TENM2: variants seen among roughly 807,000 people sequenced by gnomAD.
TENM2 encodes teneurin-2.
A neutral mutation model predicts 245.2 loss-of-function variants in TENM2; 52 were observed. The observed-to-expected ratio is 0.21, with a 90% CI of 0.17 to 0.27. TENM2 has a LOEUF of 0.27. Ranked by LOEUF, TENM2 falls within the 10% of genes least tolerant of loss-of-function variation. TENM2 has a pLI of 1.00. For synonymous variants in TENM2, 1,363 were observed against 1,438.9 expected (o/e 0.95, Z 1.19); for missense variants, 3,046 against 3,666.8 (o/e 0.83, Z 4.37).
At chr5:167,313,981 C>T (rs1756198636) in intron 1 of TENM2, among the ~76,000 whole-genome samples, 1 of 152,156 alleles carries the variant, frequency 6.6e-6, no homozygotes, top group South Asian at 2.1e-4. Context: ...TTTTCATGCT[C>T]AGCAAGACCC....
chr5:168,080,410 T>A (rs1791885744), intron 7 of TENM2, among the ~76,000 whole-genome samples: 1 of 152,226 alleles, frequency 6.6e-6, no homozygotes, highest in African/African-American at 2.4e-5. Flanking sequence ...TTTTGAAGGA[T>A]TTTTTGTGTG....
intron 2 of TENM2, among the ~76,000 whole-genome samples, chr5:167,729,614 A>G (rs985075684): frequency 5.3e-5 from 8 of 152,228 alleles, no homozygotes; most frequent in Non-Finnish European, 1.2e-4. Flanking sequence ...TTAAACAATC[A>G]ATTTTCTCTT....
chr5:167,645,242 C>CT (rs1320097691), intron 2 of TENM2, among the ~76,000 whole-genome samples: 4 of 152,166 alleles, frequency 2.6e-5, no homozygotes. Context: ...CATCAGGTGT[C>CT]TTTTCTCGAG....
intron 2 of TENM2, among the ~76,000 whole-genome samples, chr5:167,569,302 A>T (rs73380907): frequency 0.045 from 6,836 of 152,036 alleles, 254 homozygotes; most frequent in East Asian, 0.1. Flanking sequence ...ATGATCAAAC[A>T]CTCAACAAAT....
chr5:167,058,958 A>G, the TENM2 span, among the ~76,000 whole-genome samples: 1 of 152,184 alleles, frequency 6.6e-6, no homozygotes, highest in African/African-American at 2.4e-5. Flanking sequence ...AGCACCCCCA[A>G]GTCTAAACTG....
intron 27 of TENM2, among the ~76,000 whole-genome samples, chr5:168,255,288 A>C (rs1295925085): frequency 6.6e-6 from 1 of 151,986 alleles, no homozygotes; most frequent in African/African-American, 2.4e-5. Flanking sequence ...TTTACACCTC[A>C]TTAACACTTC....
chr5:167,839,204 A>C (rs900241633), intron 2 of TENM2, among the ~76,000 whole-genome samples: 1 of 152,230 alleles, frequency 6.6e-6, no homozygotes, highest in African/African-American at 2.4e-5. Flanking sequence ...GTTGATTCTT[A>C]CAGGCCCAGT....
At chr5:167,832,743 T>G (rs1018558828) in intron 2 of TENM2, among the ~76,000 whole-genome samples, 1 of 151,946 alleles carries the variant, frequency 6.6e-6, no homozygotes, top group Admixed American at 6.6e-5. Flanking sequence ...GAAATATATG[T>G]AGAGAGAAAT....
chr5:167,224,307 G>T, the TENM2 span, among the ~76,000 whole-genome samples: 1 of 151,908 alleles, frequency 6.6e-6, no homozygotes, highest in African/African-American at 2.4e-5. Context: ...TTCATCTAGT[G>T]GCTTTATTGT....
intron 13 of TENM2, among the ~76,000 whole-genome samples, chr5:168,182,602 G>A (rs1406046895): frequency 1.3e-5 from 2 of 152,140 alleles, no homozygotes; most frequent in Admixed American, 1.3e-4. Context: ...TTTTCAAACT[G>A]AGCCAAAAGT....
In TENM2 at chr5:167,677,721, TTA is replaced by T. The variant is rs544325712; in HGVS notation, c.503-198261_503-198260del. Among the ~76,000 whole-genome samples, 788 of 148,888 alleles carry T rather than the reference TTA, an allele frequency of 5.3e-3. 4 individuals carry two copies. Among genetic ancestry groups the T allele is most frequent in the Middle Eastern group, 0.036 (10 of 280 alleles). On this transcript the variant is annotated intron_variant, in intron 2 of 28. Coordinates refer to ENST00000518659, the Ensembl canonical transcript of TENM2. The stretch of plus-strand genomic sequence containing the variant: ...TTTTAATGATATTTATATATGATAA[TTA>T]TATGTTTATATACTTATTATATATT...
In TENM2 at chr5:167,576,445, G is replaced by T. The variant is rs552253222; in HGVS notation, c.502+200972G>T. 1.7e-3 allele frequency among the ~76,000 whole-genome samples: 253 copies of T among 151,850 alleles called. 1 individual carries two copies. The highest frequency in any genetic ancestry group is 6.0e-3 in the African/African-American group (249 of 41,412). On this transcript the variant is annotated intron_variant, in intron 2 of 28. Coordinates refer to ENST00000518659, the Ensembl canonical transcript of TENM2. ...CATTTTGCATAATTTGCTAATTAAT[G>T]AATTATATTGAATCATTACCGTTTA... is the stretch of plus-strand genomic sequence containing the variant.
chr5:167,684,709 A>ACAGT (rs1213952434), intron 2 of TENM2, among the ~76,000 whole-genome samples: 1 of 152,188 alleles, frequency 6.6e-6, no homozygotes, highest in African/African-American at 2.4e-5. Flanking sequence ...ACTAATACGA[A>ACAGT]CAGTCGTATT....
the TENM2 span, among the ~76,000 whole-genome samples, chr5:167,063,968 G>A: frequency 2.0e-5 from 3 of 152,206 alleles, no homozygotes; most frequent in African/African-American, 7.2e-5. Flanking sequence ...ATGTTTGAAT[G>A]TGAATGGAGG....
chr5:167,663,626 A>G (rs1252200428), intron 2 of TENM2, among the ~76,000 whole-genome samples: 2 of 152,042 alleles, frequency 1.3e-5, no homozygotes, highest in Non-Finnish European at 2.9e-5. Flanking sequence ...CCCATCTTCT[A>G]TACATTCTTT....
At chr5:167,990,527 A>G (rs1362976997) in intron 4 of TENM2, among the ~76,000 whole-genome samples, 1 of 152,170 alleles carries the variant, frequency 6.6e-6, no homozygotes, top group East Asian at 1.9e-4. Context: ...AAATGAAGAG[A>G]TGGAGGTTCT....
At chr5:167,388,865 T>G (rs183180089) in intron 2 of TENM2, among the ~76,000 whole-genome samples, 32 of 152,210 alleles carry the variant, frequency 2.1e-4, no homozygotes, top group Admixed American at 5.9e-4. Flanking sequence ...TGAAAGAGTG[T>G]TTGATATAAT....
At chr5:167,820,235 A>AGGGAAGAGAGGGGGAGAAATATATGT (rs1476151614) in intron 2 of TENM2, among the ~76,000 whole-genome samples, 5 of 152,190 alleles carry the variant, frequency 3.3e-5, no homozygotes, top group Non-Finnish European at 7.3e-5. Context: ...AGGTTGAATC[A>AGGGAAGAGAGGGGGAGAAATATATGT]GGGAAGAGAG....
At chr5:167,990,449 T>C (rs1405021873) in intron 4 of TENM2, among the ~76,000 whole-genome samples, 1 of 152,224 alleles carries the variant, frequency 6.6e-6, no homozygotes, top group African/African-American at 2.4e-5. Context: ...ATGCTTTTCC[T>C]ACACAGTGTT....
Sources: allele counts gnomAD v4.1 joint callset (sites outside exome capture counted in the v4.1 genomes callset), GRCh38; gene constraint gnomAD v4.1.1; transcripts MANE v1.5; gene names NCBI Gene and HGNC (gene_info 2026-07-23, HGNC 2026-07-21).